The following MAPK10 variants were observed in gnomAD, a reference collection of about 807,000 sequenced individuals.
MAPK10 encodes JNK3 alpha protein kinase.
A neutral mutation model predicts 59.3 loss-of-function variants in MAPK10; 25 were observed. That is an observed-to-expected ratio of 0.42 (90% CI 0.31 to 0.59). MAPK10 has a LOEUF of 0.59. MAPK10 is among the 20% of genes least tolerant of loss of function. MAPK10 has a pLI of 0.15. For missense variants in MAPK10, 351 were observed against 568.9 expected, an observed-to-expected ratio of 0.62 and a Z score of 3.90; for synonymous variants, 190 against 200.5, an observed-to-expected ratio of 0.95 and a Z score of 0.44.
chr4:86,568,030 CTTATACATAGAGAACCCTGAA>C (rs1761187768), intron 1 of MAPK10, among the ~76,000 whole-genome samples: 1 of 152,060 alleles, frequency 6.6e-6, no homozygotes, highest in Non-Finnish European at 1.5e-5. Context: ...ATGATATAAT[CTTATACATAGAGAACCCTGAA>C]GACTCCTCCA....
At chr4:86,109,136 C>A (rs1200179499) in intron 4 of MAPK10, among the ~76,000 whole-genome samples, 1 of 152,186 alleles carries the variant, frequency 6.6e-6, no homozygotes, top group East Asian at 1.9e-4. Context: ...ATTCATTCAA[C>A]AATCCTGTTC....
chr4:86,369,765 C>T (rs1738472382), intron 1 of MAPK10, among the ~76,000 whole-genome samples: 1 of 152,150 alleles, frequency 6.6e-6, no homozygotes. Flanking sequence ...TCAACATATG[C>T]TTTATATGAG....
At chr4:86,074,489 C>T (rs934984376) in intron 9 of MAPK10, among the ~76,000 whole-genome samples, 2 of 146,128 alleles carry the variant, frequency 1.4e-5, no homozygotes, top group Non-Finnish European at 1.5e-5. Context: ...TTCCTAGTCT[C>T]GATGGTCTTT....
intron 1 of MAPK10, among the ~76,000 whole-genome samples, chr4:86,515,695 TC>T (rs1407314900): frequency 6.6e-6 from 1 of 152,136 alleles, no homozygotes; most frequent in Non-Finnish European, 1.5e-5. Flanking sequence ...TTGTTTTTTT[TC>T]TTGCTGATTT....
chr4:86,170,241 G>C (rs575768804), intron 3 of MAPK10, among the ~76,000 whole-genome samples: 53 of 152,028 alleles, frequency 3.5e-4, no homozygotes, highest in African/African-American at 1.1e-3. Flanking sequence ...GGACTAAATG[G>C]TCCAATTAAA....
At chr4:86,353,934 C>T (rs1733035156) in intron 2 of MAPK10, among the ~76,000 whole-genome samples, 1 of 152,120 alleles carries the variant, frequency 6.6e-6, no homozygotes, top group South Asian at 2.1e-4. Flanking sequence ...CCTGTGTGTG[C>T]TGATATTTTT....
At chr4:86,143,105 C>G (rs1283709753) in intron 4 of MAPK10, among the ~76,000 whole-genome samples, 1 of 152,122 alleles carries the variant, frequency 6.6e-6, no homozygotes, top group Non-Finnish European at 1.5e-5. Flanking sequence ...GAGAAGCAGG[C>G]ACATTCTTCA....
chr4:86,102,204 C>G (rs1267539234), intron 6 of MAPK10, 172 bp from the exon 7 acceptor site: 1 of 528,858 alleles, frequency 1.9e-6, no homozygotes, highest in African/African-American at 1.9e-5. Flanking sequence ...CTATACGAAC[C>G]CTACCAAAAG....
At chr4:86,177,651 C>T (rs993620061) in intron 3 of MAPK10, among the ~76,000 whole-genome samples, 1 of 151,906 alleles carries the variant, frequency 6.6e-6, no homozygotes, top group African/African-American at 2.4e-5. Flanking sequence ...AAAATGAAAT[C>T]GCTCCATGGA....
chr4:86,258,642 G>A (rs957519144), intron 2 of MAPK10, among the ~76,000 whole-genome samples: 1 of 151,912 alleles, frequency 6.6e-6, no homozygotes, highest in African/African-American at 2.4e-5. Context: ...CCAAATCTTT[G>A]CTTTTGTCTC....
chr4:86,415,136 CAA>C (rs5860025), intron 1 of MAPK10, among the ~76,000 whole-genome samples: 1,359 of 106,244 alleles, frequency 0.013, 12 homozygotes, highest in African/African-American at 0.045. Flanking sequence ...AAGATTCTGT[CAA>C]AAAAAAAAAA....
At chr4:86,285,390 T>C (rs886647906) in intron 2 of MAPK10, among the ~76,000 whole-genome samples, 1 of 152,056 alleles carries the variant, frequency 6.6e-6, no homozygotes, top group African/African-American at 2.4e-5. Flanking sequence ...CTAATTTTTG[T>C]ATTTTTAGTA....
chr4:86,201,991 A>C (rs984958429), intron 2 of MAPK10, among the ~76,000 whole-genome samples: 2 of 151,942 alleles, frequency 1.3e-5, no homozygotes, highest in Non-Finnish European at 2.9e-5. Flanking sequence ...ACTTATACAC[A>C]CATTATAGAC....
At chr4:86,361,329 T>C (rs182234103), upstream of MAPK10, among the ~76,000 whole-genome samples, 988 of 152,300 alleles carry the variant, frequency 6.5e-3, 2 homozygotes, top group Non-Finnish European at 0.01. Flanking sequence ...GTCCCTTTAC[T>C]CTAATTTCAA....
At chr4:86,429,459 T>G (rs1747743075) in intron 1 of MAPK10, among the ~76,000 whole-genome samples, 1 of 152,210 alleles carries the variant, frequency 6.6e-6, no homozygotes, top group African/African-American at 2.4e-5. Context: ...TTTATTATTC[T>G]GTTATTATCA....
intron 2 of MAPK10, among the ~76,000 whole-genome samples, chr4:86,269,109 A>T (rs947419912): frequency 2.0e-5 from 3 of 152,184 alleles, no homozygotes; most frequent in Non-Finnish European, 4.4e-5. Flanking sequence ...TGAAAGTAAT[A>T]AATACCAGTA....
chr4:86,396,303 T>C (rs770271099), intron 1 of MAPK10, among the ~76,000 whole-genome samples: 16 of 152,056 alleles, frequency 1.1e-4, no homozygotes, highest in Non-Finnish European at 2.1e-4. Context: ...GCCGAGATCG[T>C]GCCACTGCAC....
chr4:86,364,018 G>A (rs1157007907), upstream of MAPK10, among the ~76,000 whole-genome samples: 2 of 152,166 alleles, frequency 1.3e-5, no homozygotes, highest in Admixed American at 6.5e-5. Context: ...CTGAACTCAT[G>A]TGATCCTCTT....
At chr4:86,443,978 T>C (rs1749718652) in intron 1 of MAPK10, among the ~76,000 whole-genome samples, 1 of 151,746 alleles carries the variant, frequency 6.6e-6, no homozygotes, top group Non-Finnish European at 1.5e-5. Context: ...ATGAAGAATG[T>C]TTTTGGGAAA....
Sources: gnomAD v4.1 joint callset for allele counts (sites outside exome capture counted in the v4.1 genomes callset) on GRCh38, gnomAD v4.1.1 for gene constraint, MANE v1.5 for transcripts, NCBI Gene and HGNC (gene_info 2026-07-23, HGNC 2026-07-21) for gene names.